KLF12: variants seen among roughly 807,000 people sequenced by gnomAD.
KLF12 encodes the protein KLF transcription factor 12, also known as Krueppel-like factor 12.
A neutral mutation model predicts 37.8 loss-of-function variants in KLF12; 9 were observed. The ratio of observed to expected loss-of-function variants is 0.24; its 90% CI spans 0.14 to 0.42. The LOEUF is 0.42. KLF12 is among the 10% of genes least tolerant of loss of function. The pLI, the probability that KLF12 is intolerant of heterozygous loss-of-function variation, is 1.00. For missense variants in KLF12, 411 were observed against 516.0 expected, an observed-to-expected ratio of 0.80 and a Z score of 1.97; for synonymous variants, 208 against 202.1, an observed-to-expected ratio of 1.03 and a Z score of -0.25.
intron 5 of KLF12, among the ~76,000 whole-genome samples, chr13:73,770,004 T>A (rs1880168054): frequency 1.3e-5 from 2 of 152,318 alleles, no homozygotes; most frequent in Non-Finnish European, 2.9e-5. Flanking sequence ...GGTTATATAA[T>A]CATTAACCTA....
rs1593901296 is a variant in KLF12 at position 74,102,035 on chromosome 13, T to C, written c.-32+31704A>G. ...GAGTTCGGGACCAGCCTGGCCAAGA[T>C]GGTGAAACCCTGTCTCTACTAAAAA... On this transcript the variant is annotated intron_variant, in intron 1 of 7. Transcript: ENST00000377669. Among the ~76,000 whole-genome samples, 5 of 151,824 alleles carry C rather than the reference T, an allele frequency of 3.3e-5. No homozygotes were observed. In the South Asian group the frequency reaches 1.0e-3, roughly 32 times the overall value.
chr13:73,917,947 TCCTGA>T (rs1194061249), intron 3 of KLF12, among the ~76,000 whole-genome samples: 1 of 151,940 alleles, frequency 6.6e-6, no homozygotes, highest in East Asian at 1.9e-4. Context: ...AAAAAAAAAT[TCCTGA>T]CCTTTAGGTC....
chr13:74,054,313 T>G (rs1566520675), intron 1 of KLF12, among the ~76,000 whole-genome samples: 1 of 152,120 alleles, frequency 6.6e-6, no homozygotes, highest in Non-Finnish European at 1.5e-5. Context: ...GGCCAAAAAT[T>G]TGGTATCATT....
At chr13:74,189,172 T>C in the KLF12 span, among the ~76,000 whole-genome samples, 2 of 152,194 alleles carry the variant, frequency 1.3e-5, no homozygotes. Context: ...TGTGGAACAA[T>C]TGTTTCAGTG....
intron 3 of KLF12, among the ~76,000 whole-genome samples, chr13:73,940,614 T>C (rs148450239): frequency 3.5e-4 from 54 of 152,366 alleles, no homozygotes; most frequent in African/African-American, 1.3e-3. Context: ...TGACTGGTTT[T>C]ATATTTTTCA....
intron 2 of KLF12, among the ~76,000 whole-genome samples, chr13:73,979,906 T>C (rs934474135): frequency 6.6e-6 from 1 of 151,766 alleles, no homozygotes; most frequent in Non-Finnish European, 1.5e-5. Context: ...GGTGTTCTTA[T>C]AAGAAGAGGA....
At chr13:74,039,330 G>GT (rs1233443010) in intron 1 of KLF12, among the ~76,000 whole-genome samples, 1 of 152,044 alleles carries the variant, frequency 6.6e-6, no homozygotes, top group Non-Finnish European at 1.5e-5. Context: ...CTTGAGTTCA[G>GT]TTTGAGACCA....
chr13:74,294,806 G>A, the KLF12 span, among the ~76,000 whole-genome samples: 1 of 152,100 alleles, frequency 6.6e-6, no homozygotes, highest in Non-Finnish European at 1.5e-5. Context: ...CTCAGCTGAG[G>A]CCTTCCTCAT....
chr13:73,997,456 A>G (rs1176462501), intron 1 of KLF12, among the ~76,000 whole-genome samples: 2 of 152,218 alleles, frequency 1.3e-5, no homozygotes, highest in Non-Finnish European at 2.9e-5. Context: ...CAGCCTAGAT[A>G]TCGAATAGGA....
intron 1 of KLF12, among the ~76,000 whole-genome samples, chr13:74,023,662 G>C (rs777580078): frequency 2.6e-5 from 4 of 152,090 alleles, no homozygotes; most frequent in Non-Finnish European, 4.4e-5. Flanking sequence ...AGCCATATTG[G>C]ATTAAAGGCC....
chr13:73,835,587 G>T (rs1414891066), intron 4 of KLF12, among the ~76,000 whole-genome samples: 1 of 152,104 alleles, frequency 6.6e-6, no homozygotes, highest in Admixed American at 6.6e-5. Context: ...GTGCAGAAAG[G>T]GCAAGGAAAA....
At chr13:73,826,390 C>A (rs902265076) in intron 4 of KLF12, among the ~76,000 whole-genome samples, 8 of 152,168 alleles carry the variant, frequency 5.3e-5, no homozygotes, top group Admixed American at 2.0e-4. Context: ...ATATAAACAA[C>A]CATTTAACAT....
the KLF12 span, among the ~76,000 whole-genome samples, chr13:74,199,914 T>G: frequency 1.3e-5 from 2 of 152,226 alleles, no homozygotes; most frequent in Non-Finnish European, 2.9e-5. Context: ...TACCTGTGAC[T>G]GTTGATGACA....
intron 3 of KLF12, among the ~76,000 whole-genome samples, chr13:73,916,997 T>A (rs773548259): frequency 6.6e-6 from 1 of 152,152 alleles, no homozygotes; most frequent in Non-Finnish European, 1.5e-5. Flanking sequence ...CACACTAATA[T>A]TCCGTAGGCC....
chr13:74,287,807 A>T, the KLF12 span, among the ~76,000 whole-genome samples: 1 of 152,218 alleles, frequency 6.6e-6, no homozygotes, highest in Non-Finnish European at 1.5e-5. Context: ...CAACATCTGC[A>T]TCCTTGGACA....
rs533727434 is a variant in KLF12 at position 73,743,487 on chromosome 13, G to A, written c.869+21451C>T. ...GATCCTGAAAGCACCGTAGAATATG[G>A]CTTTGCCTTAAGACTTACTATACAA... On this transcript the variant is annotated intron_variant, in intron 6 of 7. Transcript: ENST00000377669. Among the ~76,000 whole-genome samples the A allele has an allele frequency of 2.0e-5, 3 of 152,224 alleles. No individual in the cohort carries two copies. In the East Asian group the frequency reaches 5.8e-4, roughly 29 times the overall value.
intron 6 of KLF12, among the ~76,000 whole-genome samples, chr13:73,752,210 T>C (rs1326191839): frequency 1.3e-5 from 2 of 152,176 alleles, no homozygotes; most frequent in Non-Finnish European, 2.9e-5. Context: ...CTTGAACTCC[T>C]GAGCTCAAGA....
At chr13:74,253,254 C>A in the KLF12 span, among the ~76,000 whole-genome samples, 1 of 152,068 alleles carries the variant, frequency 6.6e-6, no homozygotes, top group Non-Finnish European at 1.5e-5. Context: ...TATAGAGGAA[C>A]CTGAGATGTT....
chr13:74,214,925 G>T, the KLF12 span, among the ~76,000 whole-genome samples: 1 of 152,002 alleles, frequency 6.6e-6, no homozygotes, highest in African/African-American at 2.4e-5. Flanking sequence ...CTCTTGAGTA[G>T]CTGGGATTAC....
Sources: allele counts gnomAD v4.1 joint callset (sites outside exome capture counted in the v4.1 genomes callset), GRCh38; gene constraint gnomAD v4.1.1; transcripts MANE v1.5; gene names NCBI Gene and HGNC (gene_info 2026-07-23, HGNC 2026-07-21).